The following WDR43 variants were observed in gnomAD, a reference collection of about 807,000 sequenced individuals.
WDR43 encodes WD repeat-containing protein 43.
In WDR43, 13 loss-of-function variants were observed where a neutral mutation model predicts 91.4. The observed-to-expected ratio is 0.14, with a 90% CI of 0.09 to 0.23. The LOEUF is 0.23. Ranked by LOEUF, WDR43 falls within the 10% of genes least tolerant of loss-of-function variation. WDR43 has a pLI of 1.00. For missense variants in WDR43, 780 were observed against 809.4 expected (o/e 0.96, Z 0.44); for synonymous variants, 331 against 287.9 (o/e 1.15, Z -1.51).
chr2:28,940,256 T>C (rs1671410797), intron 14 of WDR43, among the ~76,000 whole-genome samples: 1 of 150,060 alleles, frequency 6.7e-6, no homozygotes, highest in South Asian at 2.1e-4. Flanking sequence ...TGAGACGGAG[T>C]TTTGCTCTTG....
At chr2:28,895,284 G>A (rs1017735946) in intron 1 of WDR43, 8 of 208,598 alleles carry the variant, frequency 3.8e-5, no homozygotes, top group Non-Finnish European at 5.7e-5. Flanking sequence ...TTTTGACAGA[G>A]CCCCATCTTG....
chr2:28,919,083 C>A (rs368171427), intron 6 of WDR43, among the ~76,000 whole-genome samples: 1 of 152,054 alleles, frequency 6.6e-6, no homozygotes, highest in East Asian at 1.9e-4. Context: ...CATAGTGAGA[C>A]CCTGTCTCTA....
rs1376035207 is a variant in WDR43, at chr2:28,926,515, A to G, written c.1134A>G (p.Ser378=). The change falls in exon 9 of 18, where the codon TCA becomes TCG. Residue 378 remains serine, a synonymous_variant. Transcript: ENST00000407426. ...EPHMCLVRDI[S]NCWAPKVETA... is the part of the protein sequence containing the mutation. ...ATATGTGTTTAGTAAGAGATATTTCAAACTGCTGGGCCCCCAAAGTAGAAA... is the reference window on the plus strand; with the variant it reads ...ATATGTGTTTAGTAAGAGATATTTCGAACTGCTGGGCCCCCAAAGTAGAAA... 6.2e-6 allele frequency: 10 copies of G among 1,600,774 alleles called. No individual in the cohort carries two copies. Among genetic ancestry groups the G allele is most frequent in the Middle Eastern group, 1.7e-4 (1 of 6,038 alleles).
At chr2:28,897,083 C>T (rs960381624) in intron 1 of WDR43, among the ~76,000 whole-genome samples, 1 of 152,030 alleles carries the variant, frequency 6.6e-6, no homozygotes, top group Non-Finnish European at 1.5e-5. Context: ...GGTCAAGTGC[C>T]CCGATTTTGT....
chr2:28,906,096 A>G (rs544458310), intron 2 of WDR43, among the ~76,000 whole-genome samples: 2 of 152,322 alleles, frequency 1.3e-5, no homozygotes, highest in South Asian at 2.1e-4. Context: ...ATGTAAGACA[A>G]GTTTTATTTT....
chr2:28,930,724 A>G (rs1338462612), intron 11 of WDR43, among the ~76,000 whole-genome samples: 2 of 152,234 alleles, frequency 1.3e-5, no homozygotes, highest in Non-Finnish European at 2.9e-5. Flanking sequence ...CAGTAGGTAC[A>G]AATGAATCAA....
chr2:28,934,373 A>T (rs543235900), intron 11 of WDR43, among the ~76,000 whole-genome samples: 2 of 152,318 alleles, frequency 1.3e-5, no homozygotes, highest in Non-Finnish European at 2.9e-5. Flanking sequence ...GGTAAAGAGT[A>T]TGTCAAACTG....
At chr2:28,900,194 T>C (rs1375686427) in intron 1 of WDR43, among the ~76,000 whole-genome samples, 1 of 152,160 alleles carries the variant, frequency 6.6e-6, no homozygotes, top group Non-Finnish European at 1.5e-5. Flanking sequence ...GAATCTTTTT[T>C]TCGTTTTGTT....
At chr2:28,913,942 C>A in intron 4 of WDR43, 127 bp from the exon 5 acceptor site, 3 of 1,061,126 alleles carry the variant, frequency 2.8e-6, no homozygotes, top group Non-Finnish European at 4.1e-6. Flanking sequence ...TTGAATTGAA[C>A]AGTTACTTCA....
intron 3 of WDR43, among the ~76,000 whole-genome samples, chr2:28,909,723 AATTAGCCAG>A (rs1336378601): frequency 6.6e-6 from 1 of 152,106 alleles, no homozygotes; most frequent in Non-Finnish European, 1.5e-5. Flanking sequence ...AAATGAAAAA[AATTAGCCAG>A]ATGTGGTGGT....
intron 14 of WDR43, among the ~76,000 whole-genome samples, chr2:28,940,111 C>CA (rs369746530): frequency 0.59 from 61,083 of 103,258 alleles, 19,284 homozygotes; most frequent in Middle Eastern, 0.73. Flanking sequence ...GACTCCGTCT[C>CA]AAAAAAAAAA....
intron 6 of WDR43, among the ~76,000 whole-genome samples, chr2:28,922,493 A>G (rs1671051685): frequency 6.6e-6 from 1 of 152,174 alleles, no homozygotes; most frequent in African/African-American, 2.4e-5. Flanking sequence ...TGGTAGGGGC[A>G]TCTCCAGACA....
At chr2:28,895,708 T>G (rs1670467298) in intron 1 of WDR43, 1 of 152,198 alleles carries the variant, frequency 6.6e-6, no homozygotes, top group Non-Finnish European at 1.5e-5. Context: ...TAGGCAGAGC[T>G]TTTCATTGTT....
chr2:28,923,078 T>A, intron 7 of WDR43, 95 bp downstream of exon 7: 3 of 1,031,782 alleles, frequency 2.9e-6, no homozygotes, highest in Non-Finnish European at 2.8e-6. Context: ...ATCATATTAC[T>A]ATTCAGCCAG....
chr2:28,923,429 T>C (rs1009622178), intron 7 of WDR43, among the ~76,000 whole-genome samples: 1 of 152,156 alleles, frequency 6.6e-6, no homozygotes, highest in Non-Finnish European at 1.5e-5. Flanking sequence ...TGGAGACCAT[T>C]TGTGGTCTGG....
intron 15 of WDR43, 26 bp from the exon 16 acceptor site, chr2:28,942,286 C>T (rs1472627801): frequency 6.2e-7 from 1 of 1,607,298 alleles, no homozygotes; most frequent in Admixed American, 1.7e-5. Flanking sequence ...CACTCTACTT[C>T]AGAACAGTAC....
Position 28,943,597 on chromosome 2 carries a change from A to G in WDR43, c.1804+1216A>G, listed in dbSNP as rs987343855. 1.5e-4 allele frequency among the ~76,000 whole-genome samples: 23 copies of G among 152,170 alleles called. 1 individual carries two copies. Among genetic ancestry groups the G allele is most frequent in the Non-Finnish European group, 2.8e-4 (19 of 68,018 alleles). Reference sequence around the variant, plus strand: ...TGTAGGGTTACAGAGTTAATGTGCAATAATAGACAGCTAGACCAATAGATT... The same window carrying G: ...TGTAGGGTTACAGAGTTAATGTGCAGTAATAGACAGCTAGACCAATAGATT... On this transcript the variant is annotated intron_variant, in intron 16 of 17. Coordinates refer to ENST00000407426, the MANE Select transcript of WDR43 (RefSeq NM_015131.3).
intron 5 of WDR43, among the ~76,000 whole-genome samples, chr2:28,915,395 G>A (rs1428490620): frequency 3.9e-5 from 6 of 152,020 alleles, no homozygotes; most frequent in Admixed American, 1.3e-4. Context: ...CTACTACCAG[G>A]GTCCCCTGGC....
At chr2:28,941,369 A>C (rs775957508) in intron 14 of WDR43, 92 bp from the exon 15 acceptor site, 12 of 884,662 alleles carry the variant, frequency 1.4e-5, no homozygotes, top group Non-Finnish European at 2.0e-5. Flanking sequence ...TGTGTGGTGC[A>C]GTGGCTAAAT....
Sources: gnomAD v4.1 joint callset for allele counts (sites outside exome capture counted in the v4.1 genomes callset) on GRCh38, gnomAD v4.1.1 for gene constraint, MANE v1.5 for transcripts, NCBI Gene and HGNC (gene_info 2026-07-23, HGNC 2026-07-21) for gene names.